TMEM132C: variants seen among roughly 807,000 people sequenced by gnomAD.
TMEM132C encodes the protein protein phosphatase 1, regulatory subunit 152.
TMEM132C carries 29 observed loss-of-function variants against 61.4 expected under a neutral mutation model. That is an observed-to-expected ratio of 0.47 (90% CI 0.35 to 0.64). The LOEUF is 0.64. TMEM132C is among the 30% of genes least tolerant of loss of function. The probability of loss-of-function intolerance (pLI) is 0.00; values close to 1 mark genes in which losing one functional copy is unlikely to be tolerated. For synonymous variants in TMEM132C, 656 were observed against 633.1 expected, an observed-to-expected ratio of 1.04 and a Z score of -0.54; for missense variants, 1,408 against 1,476.9, an observed-to-expected ratio of 0.95 and a Z score of 0.76.
At chr12:128,578,902 G>GT (rs34473801) in intron 3 of TMEM132C, among the ~76,000 whole-genome samples, 12 of 149,534 alleles carry the variant, frequency 8.0e-5, no homozygotes, top group African/African-American at 1.2e-4. Flanking sequence ...CCAGCCGAAA[G>GT]TTTTTTTTTT....
intron 4 of TMEM132C, among the ~76,000 whole-genome samples, chr12:128,667,000 G>T (rs1412110287): frequency 6.6e-6 from 1 of 152,206 alleles, no homozygotes; most frequent in Non-Finnish European, 1.5e-5. Flanking sequence ...AACCCGGGAG[G>T]CGGAGCTTGC....
In TMEM132C at chr12:128,624,347, C is replaced by A. The variant is rs1953993878; in HGVS notation, c.1305+8012C>A. On this transcript the variant is annotated intron_variant, in intron 4 of 8. Coordinates refer to ENST00000435159, the MANE Select transcript of TMEM132C (RefSeq NM_001136103.3). ...GACCACAAGGTCAGGAGTTCAAGAC[C>A]ACCCTGGCCAAGATAGCGAAACCCC... 2.0e-5 allele frequency among the ~76,000 whole-genome samples: 3 copies of A among 152,080 alleles called. No individual in the cohort carries two copies. The South Asian group carries it at 6.2e-4, about 32-fold the overall frequency.
At chr12:128,425,275 AT>A (rs1295744402) in intron 2 of TMEM132C, among the ~76,000 whole-genome samples, 5 of 152,246 alleles carry the variant, frequency 3.3e-5, no homozygotes, top group Admixed American at 1.3e-4. Context: ...GGTACACCCC[AT>A]CCCCTGCCCC....
chr12:128,637,408 G>T (rs1284182519), intron 4 of TMEM132C, among the ~76,000 whole-genome samples: 1 of 152,200 alleles, frequency 6.6e-6, no homozygotes, highest in Admixed American at 6.5e-5. Flanking sequence ...AGCTTGTAAG[G>T]AGCTGCCATG....
At chr12:128,581,380 C>G (rs1875329521) in intron 3 of TMEM132C, among the ~76,000 whole-genome samples, 1 of 152,006 alleles carries the variant, frequency 6.6e-6, no homozygotes, top group Non-Finnish European at 1.5e-5. Flanking sequence ...GTGGTGAGGC[C>G]CCTTGCAGAC....
intron 2 of TMEM132C, among the ~76,000 whole-genome samples, chr12:128,475,447 TG>T (rs1871126686): frequency 6.6e-6 from 1 of 151,972 alleles, no homozygotes; most frequent in Non-Finnish European, 1.5e-5. Flanking sequence ...CGGTTGCACT[TG>T]GGGTGATAAA....
chr12:128,523,393 TA>T (rs1872974350), intron 2 of TMEM132C, among the ~76,000 whole-genome samples: 1 of 152,222 alleles, frequency 6.6e-6, no homozygotes, highest in African/African-American at 2.4e-5. Flanking sequence ...ACTGTATGCT[TA>T]AAAATGCTTA....
intron 2 of TMEM132C, among the ~76,000 whole-genome samples, chr12:128,460,004 C>T (rs535773865): frequency 1.3e-4 from 20 of 151,548 alleles, no homozygotes; most frequent in African/African-American, 4.8e-4. Context: ...CCAGGGAGGG[C>T]AGAGTCTGGA....
At chr12:128,543,208 C>A (rs963423268) in intron 2 of TMEM132C, among the ~76,000 whole-genome samples, 10 of 152,068 alleles carry the variant, frequency 6.6e-5, no homozygotes, top group Non-Finnish European at 1.2e-4. Flanking sequence ...TGGGGACTTC[C>A]CTGGAGTGAT....
At chr12:128,510,077 T>C (rs1018501701) in intron 2 of TMEM132C, among the ~76,000 whole-genome samples, 2 of 152,182 alleles carry the variant, frequency 1.3e-5, no homozygotes, top group African/African-American at 4.8e-5. Context: ...CTGAGGCTGG[T>C]GACCTGCCTG....
intron 5 of TMEM132C, among the ~76,000 whole-genome samples, chr12:128,675,884 A>AATAGATAG (rs71801640): frequency 2.3e-5 from 1 of 42,734 alleles, no homozygotes; most frequent in Non-Finnish European, 5.0e-5. Flanking sequence ...TAGATAGATA[A>AATAGATAG]ATAGATAGAT....
intron 3 of TMEM132C, among the ~76,000 whole-genome samples, chr12:128,598,955 C>T (rs769502171): frequency 2.6e-5 from 4 of 152,160 alleles, no homozygotes; most frequent in Non-Finnish European, 5.9e-5. Flanking sequence ...TCCCTGCAAA[C>T]TACATTTTCC....
chr12:128,464,488 C>T (rs145373290), intron 2 of TMEM132C, among the ~76,000 whole-genome samples: 38 of 152,302 alleles, frequency 2.5e-4, no homozygotes, highest in African/African-American at 8.7e-4. Flanking sequence ...TGGCTCACAC[C>T]TGTAATCCCA....
At chr12:128,566,189 C>CAAAAAAAAAAAAAAAAAAAAAAAAAAAA (rs59258589) in intron 3 of TMEM132C, among the ~76,000 whole-genome samples, 9 of 67,828 alleles carry the variant, frequency 1.3e-4, no homozygotes, top group African/African-American at 3.5e-4. Flanking sequence ...CAAGCCTAAC[C>CAAAAAAAAAAAAAAAAAAAAAAAAAAAA]AAAAAAAAAA....
At chr12:128,544,358 G>A (rs757669130) in intron 3 of TMEM132C, among the ~76,000 whole-genome samples, 3 of 152,266 alleles carry the variant, frequency 2.0e-5, no homozygotes, top group Non-Finnish European at 2.9e-5. Context: ...CTCTGATAGG[G>A]CTTGTGCATC....
At chr12:128,440,697 T>G (rs373259748) in intron 2 of TMEM132C, among the ~76,000 whole-genome samples, 3 of 152,350 alleles carry the variant, frequency 2.0e-5, no homozygotes, top group African/African-American at 7.2e-5. Flanking sequence ...AGTTTCTAGC[T>G]TCTGTCTTGT....
chr12:128,661,538 A>G (rs1033609274), intron 4 of TMEM132C, among the ~76,000 whole-genome samples: 1 of 150,468 alleles, frequency 6.6e-6, no homozygotes, highest in African/African-American at 2.5e-5. Flanking sequence ...CAGCAATTTC[A>G]CTTCTGGGAT....
chr12:128,277,097 CCT>C (rs1185978614), intron 1 of TMEM132C, among the ~76,000 whole-genome samples: 29 of 152,230 alleles, frequency 1.9e-4, no homozygotes, highest in Admixed American at 6.5e-4. Context: ...AGCAGTTTTC[CCT>C]GTTTGATGGA....
At chr12:128,653,117 C>G (rs548624841) in intron 4 of TMEM132C, among the ~76,000 whole-genome samples, 1 of 152,284 alleles carries the variant, frequency 6.6e-6, no homozygotes, top group Non-Finnish European at 1.5e-5. Flanking sequence ...AAGGACCAAT[C>G]CATGCTACCA....
Sources: allele counts gnomAD v4.1 joint callset (sites outside exome capture counted in the v4.1 genomes callset), GRCh38; gene constraint gnomAD v4.1.1; transcripts MANE v1.5; gene names NCBI Gene and HGNC (gene_info 2026-07-23, HGNC 2026-07-21).